Variants in CNTN4 observed in about 807,000 individuals in gnomAD.
The protein encoded by CNTN4 is contactin 4.
In CNTN4, 77 loss-of-function variants were observed where a neutral mutation model predicts 122.5. The observed-to-expected ratio is 0.63, with a 90% CI of 0.52 to 0.76. The LOEUF (loss-of-function observed/expected upper bound fraction) is 0.76, where lower values mean the gene tolerates loss of function less well. CNTN4 is among the 30% of genes least tolerant of loss of function. The pLI is 0.00. For synonymous variants in CNTN4, 512 were observed against 447.0 expected (o/e 1.15, Z -1.83); for missense variants, 1,256 against 1,259.1 (o/e 1.00, Z 0.04).
chr3:2,147,783 A>G (rs558368262), intron 2 of CNTN4, among the ~76,000 whole-genome samples: 2 of 152,226 alleles, frequency 1.3e-5, no homozygotes, highest in Admixed American at 1.3e-4. Context: ...TCTGTATTTC[A>G]TACTTACTGC....
chr3:2,520,944 T>C (rs2149143652), intron 3 of CNTN4, among the ~76,000 whole-genome samples: 1 of 152,162 alleles, frequency 6.6e-6, no homozygotes, highest in African/African-American at 2.4e-5. Flanking sequence ...AGATAGAAAA[T>C]GAACAATATG....
intron 4 of CNTN4, among the ~76,000 whole-genome samples, chr3:2,616,527 A>C (rs1172759587): frequency 6.6e-6 from 1 of 152,144 alleles, no homozygotes; most frequent in Non-Finnish European, 1.5e-5. Flanking sequence ...TGGCATTTCT[A>C]GTTCTAGATC....
intron 2 of CNTN4, among the ~76,000 whole-genome samples, chr3:2,169,285 AATT>A (rs758692640): frequency 2.0e-5 from 3 of 152,180 alleles, no homozygotes; most frequent in African/African-American, 2.4e-5. Flanking sequence ...ATATTAATAT[AATT>A]ATTTATAATA....
chr3:2,276,702 C>G (rs1383033156), intron 2 of CNTN4, among the ~76,000 whole-genome samples: 1 of 152,122 alleles, frequency 6.6e-6, no homozygotes, highest in African/African-American at 2.4e-5. Flanking sequence ...TATCACTATA[C>G]TTGTAGACCA....
At chr3:2,232,632 A>G (rs1329869788) in intron 2 of CNTN4, among the ~76,000 whole-genome samples, 1 of 152,198 alleles carries the variant, frequency 6.6e-6, no homozygotes, top group Non-Finnish European at 1.5e-5. Context: ...TAGAGTTTGT[A>G]CTAATGAAGG....
At chr3:2,750,847 G>T (rs2090052502) in intron 6 of CNTN4, among the ~76,000 whole-genome samples, 1 of 152,182 alleles carries the variant, frequency 6.6e-6, no homozygotes, top group East Asian at 1.9e-4. Flanking sequence ...GGGGCATAAG[G>T]AATGAGTTGA....
Position 2,974,473 on chromosome 3 carries a change from T to C in CNTN4, c.1359-13872T>C, listed in dbSNP as rs115778034. Among the ~76,000 whole-genome samples, 325 of 152,308 alleles carry C rather than the reference T, an allele frequency of 2.1e-3. 2 individuals are homozygous for C. The highest frequency in any genetic ancestry group is 5.1e-3 in the African/African-American group (210 of 41,560). ...ACCTTCTCACAAAAAACCTATGAAA[T>C]TCAGGTGCTTGTTAATTATGACCCC... On this transcript the variant is annotated intron_variant, in intron 13 of 24. Coordinates refer to ENST00000418658, the MANE Select transcript of CNTN4 (RefSeq NM_175607.3).
At chr3:2,440,783 TATATATTCATACATATATAACAA>T (rs1295320230) in intron 3 of CNTN4, among the ~76,000 whole-genome samples, 8 of 149,226 alleles carry the variant, frequency 5.4e-5, no homozygotes, top group Non-Finnish European at 1.0e-4. Context: ...TATTTGTACA[TATATATTCATACATATATAACAA>T]ATATATTCAT....
chr3:2,458,925 A>T, intron 3 of CNTN4, among the ~76,000 whole-genome samples: 1 of 152,188 alleles, frequency 6.6e-6, no homozygotes, highest in East Asian at 1.9e-4. Context: ...TCGTCTGTAC[A>T]TTAGACTGTA....
intron 5 of CNTN4, among the ~76,000 whole-genome samples, chr3:2,737,466 TG>T (rs1481213255): frequency 1.3e-5 from 2 of 152,234 alleles, no homozygotes; most frequent in Admixed American, 1.3e-4. Context: ...ACCCAACCTC[TG>T]TTTTTCGTAG....
intron 4 of CNTN4, among the ~76,000 whole-genome samples, chr3:2,601,620 A>C (rs1394081306): frequency 1.3e-5 from 2 of 152,174 alleles, no homozygotes; most frequent in Non-Finnish European, 2.9e-5. Context: ...CTTGAAGTAT[A>C]GTTTGAAGTC....
At chr3:2,981,400 CAG>C (rs1392258924) in intron 13 of CNTN4, among the ~76,000 whole-genome samples, 54 of 151,894 alleles carry the variant, frequency 3.6e-4, no homozygotes, top group Admixed American at 1.8e-3. Context: ...GCCGAGATCG[CAG>C]CACTGCACTC....
At chr3:2,902,251 C>G (rs2094182477) in intron 11 of CNTN4, among the ~76,000 whole-genome samples, 1 of 152,062 alleles carries the variant, frequency 6.6e-6, no homozygotes, top group Non-Finnish European at 1.5e-5. Context: ...CTCAGAGTGA[C>G]AAATAAGGAG....
chr3:2,525,457 A>G (rs1009040921), intron 3 of CNTN4, among the ~76,000 whole-genome samples: 2 of 152,176 alleles, frequency 1.3e-5, no homozygotes, highest in Non-Finnish European at 1.5e-5. Flanking sequence ...AAGTCCATAT[A>G]TATCTGTGAA....
intron 3 of CNTN4, among the ~76,000 whole-genome samples, chr3:2,524,249 T>C (rs2077321459): frequency 6.6e-6 from 1 of 152,170 alleles, no homozygotes; most frequent in African/African-American, 2.4e-5. Flanking sequence ...TGGTCTCTTG[T>C]GACTGGCTTA....
chr3:2,245,792 A>C (rs2040122300), intron 2 of CNTN4, among the ~76,000 whole-genome samples: 1 of 152,032 alleles, frequency 6.6e-6, no homozygotes, highest in Admixed American at 6.6e-5. Flanking sequence ...CCTTTCAGCT[A>C]CCTGTAACTA....
At chr3:2,896,781 C>G (rs886531680) in intron 10 of CNTN4, among the ~76,000 whole-genome samples, 11 of 152,082 alleles carry the variant, frequency 7.2e-5, no homozygotes, top group African/African-American at 2.7e-4. Flanking sequence ...TATCTCCAGA[C>G]TCATAAAGTC....
At chr3:2,450,250 C>G (rs1176947681) in intron 3 of CNTN4, among the ~76,000 whole-genome samples, 2 of 151,922 alleles carry the variant, frequency 1.3e-5, no homozygotes, top group Non-Finnish European at 2.9e-5. Context: ...ACCTGTAGTC[C>G]CAGCTACTTG....
At chr3:2,312,471 T>G (rs2042948879) in intron 2 of CNTN4, among the ~76,000 whole-genome samples, 1 of 152,102 alleles carries the variant, frequency 6.6e-6, no homozygotes, top group Non-Finnish European at 1.5e-5. Context: ...GGTGTAAACT[T>G]CTTAGTCATT....
Sources: allele counts gnomAD v4.1 joint callset (sites outside exome capture counted in the v4.1 genomes callset), GRCh38; gene constraint gnomAD v4.1.1; transcripts MANE v1.5; gene names NCBI Gene and HGNC (gene_info 2026-07-23, HGNC 2026-07-21).